BMP7: variants seen among roughly 807,000 people sequenced by gnomAD.
BMP7 encodes bone morphogenetic protein 7.
In BMP7, 12 loss-of-function variants were observed where a neutral mutation model predicts 41.2. The ratio of observed to expected loss-of-function variants is 0.29; its 90% confidence interval spans 0.19 to 0.47. The LOEUF (loss-of-function observed/expected upper bound fraction) is 0.47, where lower values mean the gene tolerates loss of function less well. BMP7 is among the 20% of genes least tolerant of loss of function. The pLI, the probability that BMP7 is intolerant of heterozygous loss-of-function variation, is 0.99. For missense variants in BMP7, 467 were observed against 606.0 expected, an observed-to-expected ratio of 0.77 and a Z score of 2.41; for synonymous variants, 248 against 250.0, an observed-to-expected ratio of 0.99 and a Z score of 0.07.
rs17480735 is a variant in BMP7, at chr20:57,170,429, G to A, written c.*530C>T. On this transcript the variant is annotated 3_prime_UTR_variant, in exon 7 of 7. Coordinates refer to ENST00000395863, the MANE Select transcript of BMP7 (RefSeq NM_001719.3). Reference sequence around the variant, plus strand: ...TCCACTTGACACAGCTTCTGTTTACGCATCAGGATAAACCGAGAAATGGGG... The same window carrying A: ...TCCACTTGACACAGCTTCTGTTTACACATCAGGATAAACCGAGAAATGGGG... 0.064 allele frequency: 12,913 copies of A among 202,684 alleles called. 501 individuals carry two copies. Among genetic ancestry groups the A allele is most frequent in the Middle Eastern group, 0.084 (39 of 466 alleles). The allele number at this position is 202,684 out of a possible 1,614,324, so 12.6% of individuals were successfully genotyped here. A position where few individuals can be genotyped will look rare whatever the true frequency, so the allele number is the denominator to read the frequency against.
chr20:57,189,329 TC>T (rs1214956315), intron 3 of BMP7, among the ~76,000 whole-genome samples: 11 of 152,120 alleles, frequency 7.2e-5, no homozygotes, highest in African/African-American at 1.2e-4. Context: ...GGCAGCGACC[TC>T]CCATCCATCC....
chr20:57,202,244 C>G (rs1036348437), intron 3 of BMP7, among the ~76,000 whole-genome samples: 1 of 152,122 alleles, frequency 6.6e-6, no homozygotes, highest in African/African-American at 2.4e-5. Context: ...ATGGGACCAC[C>G]CTTTGTGTAA....
chr20:57,192,745 A>G (rs1024560219), intron 3 of BMP7, among the ~76,000 whole-genome samples: 2 of 151,362 alleles, frequency 1.3e-5, no homozygotes, highest in African/African-American at 4.9e-5. Flanking sequence ...GCCCAAGAAT[A>G]GCAGATTTTG....
intron 3 of BMP7, among the ~76,000 whole-genome samples, chr20:57,196,068 C>A: frequency 6.6e-6 from 1 of 152,136 alleles, no homozygotes; most frequent in East Asian, 1.9e-4. Context: ...ATTGACATGG[C>A]CCTCCTGAGT....
intron 2 of BMP7, among the ~76,000 whole-genome samples, chr20:57,217,481 G>A (rs1250930134): frequency 6.6e-6 from 1 of 152,216 alleles, no homozygotes; most frequent in African/African-American, 2.4e-5. Flanking sequence ...ACTCCAGTCT[G>A]GGGACCCCGT....
chr20:57,214,249 G>A lies in BMP7; in HGVS notation c.612-11626C>T, dbSNP rs1237972919. On this transcript the variant is annotated intron_variant, in intron 2 of 6. Transcript: ENST00000395863. This position sits in a 1 kb window ranked among gnomAD's most constrained non-coding sequence, Gnocchi z 4.0. ...CGGTGATGGTTTGATGGTGGAGGGA[G>A]AGCTACCACCCAGAGAACCCGGGGG... 6.6e-6 allele frequency among the ~76,000 whole-genome samples: 1 copy of A among 152,144 alleles called. No homozygotes were observed.
intron 3 of BMP7, among the ~76,000 whole-genome samples, chr20:57,188,037 G>C (rs893668519): frequency 6.6e-6 from 1 of 152,118 alleles, no homozygotes; most frequent in South Asian, 2.1e-4. Flanking sequence ...AAAATACACT[G>C]GCAATTCCTA....
At chr20:57,216,849 C>T (rs1304283773) in intron 2 of BMP7, among the ~76,000 whole-genome samples, 1 of 152,086 alleles carries the variant, frequency 6.6e-6, no homozygotes, top group Non-Finnish European at 1.5e-5. Flanking sequence ...CCTGAGCAGC[C>T]AGACATGGGC....
Position 57,224,637 on chromosome 20 carries a change from G to T in BMP7, c.611+3592C>A, listed in dbSNP as rs562849795. The T allele has an allele frequency of 2.0e-5, 3 of 152,470 alleles. No homozygotes were observed. Among genetic ancestry groups the T allele is most frequent in the African/African-American group, 7.2e-5 (3 of 41,590 alleles). 9.4% of individuals were successfully genotyped at this position (152,470 alleles called of 1,614,324 possible). A position where few individuals can be genotyped will look rare whatever the true frequency, so the allele number is the denominator to read the frequency against. ...GAGCAAGTCCAGCTCCTGGAAGCCA[G>T]GCCCCAGCTGGCCTGGCCTCAGGCC... is the stretch of plus-strand genomic sequence containing the variant. On this transcript the variant is annotated intron_variant, in intron 2 of 6. Transcript: ENST00000395863. The surrounding 1 kb of genome is among the most constrained non-coding windows in gnomAD (Gnocchi z 4.8).
intron 4 of BMP7, among the ~76,000 whole-genome samples, 164 bp downstream of exon 4, chr20:57,183,558 A>G (rs1049385007): frequency 6.6e-6 from 1 of 152,198 alleles, no homozygotes; most frequent in Non-Finnish European, 1.5e-5. Flanking sequence ...CAGAATTAAG[A>G]TGTCCTGTGT....
At position 57,221,986 on chromosome 20, in the gene BMP7, G is replaced by C. The variant is rs528684195; in HGVS notation, c.611+6243C>G. Among the ~76,000 whole-genome samples the C allele has an allele frequency of 2.6e-5, 4 of 152,266 alleles. No homozygotes were observed. In the South Asian group the frequency reaches 8.3e-4, roughly 32 times the overall value. The stretch of plus-strand genomic sequence containing the variant: ...GCATAGACAAGTGTCATGGGAGAGA[G>C]GAGGCTCCAAGATCGCATTGTGGAC... On this transcript the variant is annotated intron_variant, in intron 2 of 6. Transcript: ENST00000395863.
chr20:57,227,381 T>C (rs1568722506), intron 2 of BMP7, among the ~76,000 whole-genome samples: 1 of 151,460 alleles, frequency 6.6e-6, no homozygotes, highest in Non-Finnish European at 1.5e-5. Context: ...TAGATGACCA[T>C]CCCCACCCCC....
At chr20:57,262,623 G>A (rs2066158375) in intron 1 of BMP7, among the ~76,000 whole-genome samples, 1 of 152,186 alleles carries the variant, frequency 6.6e-6, no homozygotes, top group Admixed American at 6.5e-5. Flanking sequence ...ATTCAGGCAA[G>A]GGTCCCCCCT....
intron 2 of BMP7, among the ~76,000 whole-genome samples, chr20:57,220,466 A>T (rs115023719): frequency 2.0e-5 from 3 of 152,208 alleles, no homozygotes; most frequent in African/African-American, 4.8e-5. Context: ...CGAAACATAG[A>T]TGTTAATACA....
intron 4 of BMP7, among the ~76,000 whole-genome samples, chr20:57,181,451 A>T (rs1239913265): frequency 6.6e-6 from 1 of 150,870 alleles, no homozygotes; most frequent in Non-Finnish European, 1.5e-5. Flanking sequence ...AGCCATGCTC[A>T]CACCACTGCA....
Position 57,190,916 on chromosome 20 carries a change from G to A in BMP7, c.761-6997C>T, listed in dbSNP as rs866218988. On this transcript the variant is annotated intron_variant, in intron 3 of 6. Coordinates refer to ENST00000395863, the MANE Select transcript of BMP7 (RefSeq NM_001719.3). ...GCGCAGTGGGCATCGGGGCTGCCTC[G>A]GGCATGGTGGGATGTTTAGCAGTAC... 3.3e-5 allele frequency among the ~76,000 whole-genome samples: 5 copies of A among 152,116 alleles called. 1 individual carries two copies. Among genetic ancestry groups the A allele is most frequent in the Admixed American group, 2.0e-4 (3 of 15,282 alleles).
intron 2 of BMP7, among the ~76,000 whole-genome samples, chr20:57,203,331 C>T (rs1405670919): frequency 6.6e-6 from 1 of 152,012 alleles, no homozygotes; most frequent in Non-Finnish European, 1.5e-5. Context: ...TCATAATTAA[C>T]TTGACAGGGG....
intron 5 of BMP7, chr20:57,173,739 A>G: frequency 3.9e-6 from 1 of 255,082 alleles, no homozygotes; most frequent in Non-Finnish European, 7.7e-6. Context: ...GCGGCACAGG[A>G]AGGAGCCTCC....
chr20:57,265,614 T>C, intron 1 of BMP7, 91 bp downstream of exon 1: 2 of 1,523,350 alleles, frequency 1.3e-6, no homozygotes, highest in Non-Finnish European at 1.8e-6. Flanking sequence ...AGCGGAAAGC[T>C]GGGCGGGCTG....
Sources: gnomAD v4.1 joint callset for allele counts (sites outside exome capture counted in the v4.1 genomes callset) on GRCh38, gnomAD v4.1.1 for gene constraint, Gnocchi (gnomAD v3.1) non-coding constraint, MANE v1.5 for transcripts, NCBI Gene and HGNC (gene_info 2026-07-23, HGNC 2026-07-21) for gene names.